FOXJ3: variants seen among roughly 807,000 people sequenced by gnomAD.
FOXJ3 encodes the protein forkhead box protein J3.
In FOXJ3, 22 loss-of-function variants were observed where a neutral mutation model predicts 76.1. That is an observed-to-expected ratio of 0.29 (90% CI 0.21 to 0.41). The LOEUF (loss-of-function observed/expected upper bound fraction) is 0.41. Among genes scored for constraint, FOXJ3 ranks in the 10% least tolerant of loss-of-function variants. The pLI, the probability that FOXJ3 is intolerant of heterozygous loss-of-function variation, is 1.00. For synonymous variants in FOXJ3, 269 were observed against 261.2 expected (o/e 1.03, Z -0.29); for missense variants, 613 against 762.1 (o/e 0.80, Z 2.30).
chr1:42,237,079 T>G (rs1374472725), intron 4 of FOXJ3, among the ~76,000 whole-genome samples: 1 of 152,070 alleles, frequency 6.6e-6, no homozygotes, highest in African/African-American at 2.4e-5. Context: ...ATTATAAGAA[T>G]ATAGGCTATT....
chr1:42,180,970 C>G (rs1410037682), intron 12 of FOXJ3, among the ~76,000 whole-genome samples: 2 of 152,216 alleles, frequency 1.3e-5, no homozygotes, highest in East Asian at 1.9e-4. Context: ...TAGTAGTAAG[C>G]ACTCACAACA....
intron 11 of FOXJ3, among the ~76,000 whole-genome samples, chr1:42,187,291 T>G (rs1437224416): frequency 6.6e-6 from 1 of 152,252 alleles, no homozygotes; most frequent in African/African-American, 2.4e-5. Flanking sequence ...ACTTAGTACT[T>G]TTTGAGGCTG....
At chr1:42,300,008 C>A (rs1288110493) in intron 2 of FOXJ3, among the ~76,000 whole-genome samples, 2 of 151,890 alleles carry the variant, frequency 1.3e-5, no homozygotes, top group Non-Finnish European at 2.9e-5. Context: ...TGAGACCTGC[C>A]TGGCCAATAT....
intron 1 of FOXJ3, among the ~76,000 whole-genome samples, chr1:42,324,383 CAT>C (rs540026136): frequency 9.2e-4 from 133 of 145,280 alleles, no homozygotes; most frequent in African/African-American, 1.3e-3. Context: ...CTATATATAA[CAT>C]ATAAATACTA....
chr1:42,266,359 T>A (rs1412674593), intron 3 of FOXJ3, among the ~76,000 whole-genome samples: 2 of 151,620 alleles, frequency 1.3e-5, no homozygotes, highest in African/African-American at 4.8e-5. Flanking sequence ...AGGTAAGCTT[T>A]AAAAAAAATA....
At chr1:42,241,077 T>C (rs142544579) in intron 4 of FOXJ3, among the ~76,000 whole-genome samples, 1 of 152,150 alleles carries the variant, frequency 6.6e-6, no homozygotes, top group Non-Finnish European at 1.5e-5. Flanking sequence ...AGCTGGAATC[T>C]TGGAGAGGCT....
At chr1:42,233,037 T>C (rs1182972106) in intron 4 of FOXJ3, among the ~76,000 whole-genome samples, 1 of 136,450 alleles carries the variant, frequency 7.3e-6, no homozygotes, top group Non-Finnish European at 1.6e-5. Flanking sequence ...CCCAGCACCA[T>C]TTATTAAATA....
At chr1:42,212,987 G>C (rs917644664) in intron 5 of FOXJ3, among the ~76,000 whole-genome samples, 25 of 100,774 alleles carry the variant, frequency 2.5e-4, no homozygotes, top group African/African-American at 8.1e-4. Context: ...AAAAAACTAA[G>C]TTTCATAAGT....
At chr1:42,220,201 A>G (rs868453136) in intron 5 of FOXJ3, among the ~76,000 whole-genome samples, 1 of 152,326 alleles carries the variant, frequency 6.6e-6, no homozygotes, top group Middle Eastern at 3.4e-3. Context: ...AACTCTGAAT[A>G]TGGAACTTAG....
chr1:42,311,650 A>AAGTAGTAGTAGC (rs1654818176), intron 1 of FOXJ3, among the ~76,000 whole-genome samples: 1 of 149,414 alleles, frequency 6.7e-6, no homozygotes, highest in Non-Finnish European at 1.5e-5. Flanking sequence ...TTTAAAAAAA[A>AAGTAGTAGTAGC]AGTAGTAGTA....
At chr1:42,265,553 T>A (rs1017626129) in intron 3 of FOXJ3, among the ~76,000 whole-genome samples, 5 of 152,314 alleles carry the variant, frequency 3.3e-5, no homozygotes, top group African/African-American at 1.2e-4. Flanking sequence ...TGGTACTTAT[T>A]TTATTTATTT....
intron 2 of FOXJ3, among the ~76,000 whole-genome samples, chr1:42,303,841 A>C (rs1456849979): frequency 6.6e-6 from 1 of 152,196 alleles, no homozygotes; most frequent in African/African-American, 2.4e-5. Context: ...GAAATGCAGA[A>C]AGTGTTCCAT....
intron 6 of FOXJ3, among the ~76,000 whole-genome samples, chr1:42,202,892 T>A (rs1236694077): frequency 2.0e-5 from 3 of 152,186 alleles, no homozygotes; most frequent in Non-Finnish European, 4.4e-5. Context: ...GTCTGCATAT[T>A]CTATGAGTTA....
rs186348271 is a variant in FOXJ3, at chr1:42,283,607, C to G, written c.45-4935G>C. Among the ~76,000 whole-genome samples, 473 of 152,248 alleles carry G rather than the reference C, an allele frequency of 3.1e-3. 6 individuals carry two copies. The highest frequency in any genetic ancestry group is 3.2e-3 in the Non-Finnish European group (218 of 68,014). Reference sequence around the variant, plus strand: ...TGTTGTGACCCAAATATTACTGAATCCTCCCACTTCATTCCCGGCACATGG... The same window carrying G: ...TGTTGTGACCCAAATATTACTGAATGCTCCCACTTCATTCCCGGCACATGG... On this transcript the variant is annotated intron_variant, in intron 2 of 12. Coordinates refer to ENST00000361346, the MANE Select transcript of FOXJ3 (RefSeq NM_014947.5).
At chr1:42,303,498 G>T (rs772865997) in intron 2 of FOXJ3, among the ~76,000 whole-genome samples, 1 of 152,154 alleles carries the variant, frequency 6.6e-6, no homozygotes, top group Non-Finnish European at 1.5e-5. Context: ...CCTCCTTCTG[G>T]TAGTTCTAAA....
intron 2 of FOXJ3, among the ~76,000 whole-genome samples, chr1:42,297,186 G>A (rs141834437): frequency 1.7e-3 from 254 of 152,228 alleles, no homozygotes; most frequent in Middle Eastern, 6.8e-3. Flanking sequence ...CGAAGTCTAG[G>A]AGTCTTTAGA....
chr1:42,301,677 G>GT (rs1654159662), intron 2 of FOXJ3, among the ~76,000 whole-genome samples: 1 of 151,976 alleles, frequency 6.6e-6, no homozygotes, highest in Non-Finnish European at 1.5e-5. Flanking sequence ...AGATGTTTGG[G>GT]TTTATTTTTA....
chr1:42,214,789 A>G (rs1647032823), intron 5 of FOXJ3, among the ~76,000 whole-genome samples: 1 of 152,230 alleles, frequency 6.6e-6, no homozygotes, highest in Non-Finnish European at 1.5e-5. Context: ...ACAGCCAGCC[A>G]CCAGAGAGAA....
intron 4 of FOXJ3, among the ~76,000 whole-genome samples, chr1:42,258,952 T>C (rs1650822194): frequency 6.6e-6 from 1 of 152,134 alleles, no homozygotes; most frequent in African/African-American, 2.4e-5. Context: ...ATCTGTCAAG[T>C]CTAAGCCGAA....
Sources: allele counts gnomAD v4.1 joint callset (sites outside exome capture counted in the v4.1 genomes callset), GRCh38; gene constraint gnomAD v4.1.1; transcripts MANE v1.5; gene names NCBI Gene and HGNC (gene_info 2026-07-23, HGNC 2026-07-21).